The following NABP2 variants were observed in gnomAD, a reference collection of about 807,000 sequenced individuals.
NABP2 encodes the protein nucleic acid binding protein 2.
In NABP2, 7 loss-of-function variants were observed where a neutral mutation model predicts 22.7. The ratio of observed to expected loss-of-function variants is 0.31; its 90% CI spans 0.18 to 0.58. The LOEUF is 0.58. Among genes scored for constraint, NABP2 ranks in the 20% least tolerant of loss-of-function variants. The pLI, the probability that NABP2 is intolerant of heterozygous loss-of-function variation, is 0.89. For missense variants in NABP2, 188 were observed against 265.9 expected, an observed-to-expected ratio of 0.71 and a Z score of 2.04; for synonymous variants, 107 against 99.2, an observed-to-expected ratio of 1.08 and a Z score of -0.47.
At chr12:56,224,764 G>A in intron 1 of NABP2, 70 bp from the exon 2 acceptor site, 1 of 1,342,934 alleles carries the variant, frequency 7.4e-7, no homozygotes, top group Non-Finnish European at 1.1e-6. Context: ...GGGGTAGGTA[G>A]GCCTTGGGAA....
chr12:56,224,452 G>A lies in NABP2; in HGVS notation c.-24+11G>A. On this transcript the variant is annotated intron_variant, in intron 1 of 6. Transcript: ENST00000267023. ...TGCCGGCTGGCTTGGGTGGGTGGTG[G>A]GCTGCGGGTAGGGGAGGGGATGGAC... is the stretch of plus-strand genomic sequence containing the variant. 1 of 1,035,382 alleles carries A rather than the reference G, an allele frequency of 9.7e-7. No individual in the cohort carries two copies. 64.1% of individuals were successfully genotyped at this position (1,035,382 alleles called of 1,614,324 possible).
At position 56,225,848 on chromosome 12, in the gene NABP2, G is replaced by A. The variant is rs530367247; in HGVS notation, c.290+153G>A. ...AGAAACAGTCTCTGTCGCTCAGGCT[G>A]GAGTACAGTGGCATGATCTGGGCTC... On this transcript the variant is annotated intron_variant, in intron 4 of 6. Coordinates refer to ENST00000267023, the MANE Select transcript of NABP2 (RefSeq NM_024068.4). Among the ~76,000 whole-genome samples, 7 of 152,252 alleles carry A rather than the reference G, an allele frequency of 4.6e-5. No homozygotes were observed. The East Asian group carries it at 1.3e-3, about 29-fold the overall frequency.
Position 56,226,377 on chromosome 12 carries a change from T to A in NABP2, c.394T>A (p.Ser132Thr). The A allele has an allele frequency of 6.2e-7, 1 of 1,613,686 alleles. No individual in the cohort carries two copies. Among genetic ancestry groups the A allele is most frequent in the Non-Finnish European group, 8.5e-7 (1 of 1,180,008 alleles). ...TCAGGTGCAGAACGACAGCAACCCT[T>A]CAGCTTCCCAGCCTACCACTGGACC... ...NKAVQNDSNP[S>T]ASQPTTGPSA... Residue 132 changes from serine (S) to threonine (T), a missense_variant, in exon 6 of 7, where the codon TCA becomes ACA. Physicochemically the swap from Ser to Thr is moderately conservative, Grantham distance 58 (BLOSUM62 1). Coordinates refer to ENST00000267023, the MANE Select transcript of NABP2 (RefSeq NM_024068.4).
chr12:56,224,266 G>A (rs763925628), upstream of NABP2: 1 of 929,966 alleles, frequency 1.1e-6, no homozygotes, highest in Non-Finnish European at 1.3e-6. Flanking sequence ...CAGGGCAGGC[G>A]GCGGGACGCA....
At chr12:56,223,474 T>C (rs949742923), upstream of NABP2, 9 of 150,804 alleles carry the variant, frequency 6.0e-5, no homozygotes, top group African/African-American at 2.2e-4. Flanking sequence ...TGGTGGGAGG[T>C]TGCAGTAAGC....
Position 56,224,406 on chromosome 12 carries a change from G to C in NABP2, c.-59G>C. The C allele has an allele frequency of 1.0e-6, 1 of 997,818 alleles. No individual in the cohort carries two copies. Among genetic ancestry groups the C allele is most frequent in the Non-Finnish European group, 1.2e-6 (1 of 835,230 alleles). The allele number at this position is 997,818 out of a possible 1,614,324, so 61.8% of individuals were successfully genotyped here. A position where few individuals can be genotyped will look rare whatever the true frequency, so the allele number is the denominator to read the frequency against. ...GAGCCTGTGGCTCCCCCTGCGGGCT[G>C]CTCAGCGGCGTGCACAGTCCTGCCG... On this transcript the variant is annotated 5_prime_UTR_variant, in exon 1 of 7. Coordinates refer to ENST00000267023, the MANE Select transcript of NABP2 (RefSeq NM_024068.4).
At position 56,229,223 on chromosome 12, in the gene NABP2, C is replaced by G; in HGVS notation, c.*10C>G. 1 of 1,611,874 alleles carries G rather than the reference C, an allele frequency of 6.2e-7. No individual in the cohort carries two copies. The highest frequency in any genetic ancestry group is 8.5e-7 in the Non-Finnish European group (1 of 1,179,906). On this transcript the variant is annotated 3_prime_UTR_variant, in exon 7 of 7. Transcript: ENST00000267023. ...GAGCAGCAAGAGATAGCATGACATT[C>G]TTTCTTCCTGCCACCAACCACATCC...
intron 4 of NABP2, 130 bp downstream of exon 4, chr12:56,225,825 A>G: frequency 1.9e-6 from 2 of 1,047,660 alleles, no homozygotes; most frequent in Admixed American, 3.9e-5. Flanking sequence ...TTGTTTTGAG[A>G]AACAGTCTCT....
chr12:56,225,352 C>G, intron 2 of NABP2, 21 bp from the exon 3 acceptor site: 1 of 1,614,054 alleles, frequency 6.2e-7, no homozygotes, highest in Non-Finnish European at 8.5e-7. Flanking sequence ...CCTCCCACCT[C>G]GATTTATCTG....
Position 56,229,098 on chromosome 12 carries a change from C to CCCCCCCCA in NABP2, c.521_522insCCCCCCCA (p.Ser176ProfsTer60). The CCCCCCCCA allele has an allele frequency of 1.9e-6, 3 of 1,608,226 alleles. No homozygotes were observed. Among genetic ancestry groups the CCCCCCCCA allele is most frequent in the South Asian group, 2.2e-5 (2 of 90,658 alleles). On this transcript the variant is annotated frameshift_variant, in exon 7 of 7. Coordinates refer to ENST00000267023, the MANE Select transcript of NABP2 (RefSeq NM_024068.4). LOFTEE classifies it high-confidence loss of function. ...CATCCCCCTCATACTCCCTCCCACC[C>CCCCCCCCA]ACCCAGCACCCGAATCACTCGAAGC... is the stretch of plus-strand genomic sequence containing the variant.
upstream of NABP2, chr12:56,222,022 A>C (rs1275372173): frequency 3.3e-5 from 5 of 152,400 alleles, no homozygotes; most frequent in African/African-American, 4.8e-5. Context: ...AGCAGCCAGG[A>C]GCTGCCTACG....
At chr12:56,222,984 C>T (rs920379736), upstream of NABP2, among the ~76,000 whole-genome samples, 1 of 152,012 alleles carries the variant, frequency 6.6e-6, no homozygotes, top group African/African-American at 2.4e-5. Flanking sequence ...GCCTTTAATC[C>T]CAACACTTTG....
chr12:56,228,963 C>A, intron 6 of NABP2, 51 bp from the exon 7 acceptor site: 2 of 1,531,148 alleles, frequency 1.3e-6, no homozygotes, highest in Non-Finnish European at 1.8e-6. Context: ...TTGGGATGGA[C>A]CCCTCTCCTA....
upstream of NABP2, among the ~76,000 whole-genome samples, chr12:56,223,179 T>C (rs995215869): frequency 7.2e-5 from 11 of 152,074 alleles, no homozygotes; most frequent in African/African-American, 2.4e-4. Context: ...GAGGTTGCAT[T>C]GCAGTGAGCC....
chr12:56,227,909 C>G (rs542002525), intron 6 of NABP2, among the ~76,000 whole-genome samples: 2 of 152,168 alleles, frequency 1.3e-5, no homozygotes, highest in Non-Finnish European at 2.9e-5. Flanking sequence ...AATCTTTTCA[C>G]TAGCTGGGCG....
intron 4 of NABP2, 59 bp from the exon 5 acceptor site, chr12:56,226,120 G>A: frequency 6.6e-7 from 1 of 1,511,792 alleles, no homozygotes; most frequent in Non-Finnish European, 9.2e-7. Flanking sequence ...CTTTTCTGAG[G>A]CCTCCAGCAG....
chr12:56,224,349 C>T lies in NABP2; in HGVS notation c.-116C>T. ...AAACTTCCGGGAATGTCCGCACTCC[C>T]GCGTTCCACGGGGCAGCATCCGGCG... On this transcript the variant is annotated 5_prime_UTR_variant, in exon 1 of 7. Coordinates refer to ENST00000267023, the MANE Select transcript of NABP2 (RefSeq NM_024068.4). 1.0e-6 allele frequency: 1 copy of T among 987,888 alleles called. No individual in the cohort carries two copies. Among genetic ancestry groups the T allele is most frequent in the Non-Finnish European group, 1.2e-6 (1 of 830,878 alleles). 61.2% of individuals were successfully genotyped at this position (987,888 alleles called of 1,614,324 possible).
chr12:56,224,886 C>G lies in NABP2; in HGVS notation c.30C>G (p.Ile10Met). 1 of 1,613,406 alleles carries G rather than the reference C, an allele frequency of 6.2e-7. No individual in the cohort carries two copies. Among genetic ancestry groups the G allele is most frequent in the Non-Finnish European group, 8.5e-7 (1 of 1,179,790 alleles). Residue 10 changes from isoleucine (I) to methionine (M), a missense_variant, in exon 2 of 7, where the codon ATC (isoleucine) becomes ATG (methionine). By Grantham distance (10) the Ile-to-Met change is conservative. Transcript: ENST00000267023. MTTETFVKD[I>M]KPGLKNLNLI... ...CGACGGAGACCTTTGTGAAGGATAT[C>G]AAGCCTGGGCTCAAGAATCTGAACC...
At position 56,224,372 on chromosome 12, in the gene NABP2, G is replaced by A. The variant is rs1869657032; in HGVS notation, c.-93G>A. On this transcript the variant is annotated 5_prime_UTR_variant, in exon 1 of 7. Coordinates refer to ENST00000267023, the MANE Select transcript of NABP2 (RefSeq NM_024068.4). ...CCCGCGTTCCACGGGGCAGCATCCG[G>A]CGGCAGCGGAGCCTGTGGCTCCCCC... is the stretch of plus-strand genomic sequence containing the variant. 1 of 990,466 alleles carries A rather than the reference G, an allele frequency of 1.0e-6. No individual in the cohort carries two copies. The highest frequency in any genetic ancestry group is 1.2e-6 in the Non-Finnish European group (1 of 831,990). 61.4% of individuals were successfully genotyped at this position (990,466 alleles called of 1,614,324 possible).
Sources: allele counts gnomAD v4.1 joint callset (sites outside exome capture counted in the v4.1 genomes callset), GRCh38; gene constraint gnomAD v4.1.1; transcripts MANE v1.5; gene names NCBI Gene and HGNC (gene_info 2026-07-23, HGNC 2026-07-21).